The following KDM4C variants were observed in gnomAD, a reference collection of about 807,000 sequenced individuals.
KDM4C encodes lysine demethylase 4C, also known as lysine-specific demethylase 4C.
A neutral mutation model predicts 129.3 loss-of-function variants in KDM4C; 81 were observed. The ratio of observed to expected loss-of-function variants is 0.63; its 90% confidence interval spans 0.52 to 0.75. The LOEUF is 0.75. Ranked by LOEUF, KDM4C falls within the 30% of genes least tolerant of loss-of-function variation. The pLI is 0.00. For missense variants in KDM4C, 1,457 were observed against 1,304.0 expected (o/e 1.12, Z -1.81); for synonymous variants, 573 against 456.1 (o/e 1.26, Z -3.26).
Position 7,142,732 on chromosome 9 carries a change from TC to T in KDM4C, c.2781+14499del, listed in dbSNP as rs200834838. ...ATAACATACCCATGGCTGGCTAAAG[TC>T]CCAAGAAATACAGAAGGATTTAAGA... On this transcript the variant is annotated intron_variant, in intron 19 of 21. Coordinates refer to ENST00000381309, the MANE Select transcript of KDM4C (RefSeq NM_015061.6). Among the ~76,000 whole-genome samples the T allele has an allele frequency of 7.7e-3, 1,168 of 152,248 alleles. 19 individuals carry two copies. The highest frequency in any genetic ancestry group is 0.027 in the African/African-American group (1,106 of 41,524).
chr9:6,785,704 G>A (rs950140800), intron 1 of KDM4C, among the ~76,000 whole-genome samples: 1 of 152,230 alleles, frequency 6.6e-6, no homozygotes, highest in Non-Finnish European at 1.5e-5. Flanking sequence ...ATGACCTCAT[G>A]TTAACTTGAT....
intron 1 of KDM4C, among the ~76,000 whole-genome samples, chr9:6,772,653 G>T (rs1399985329): frequency 6.6e-6 from 1 of 150,956 alleles, no homozygotes; most frequent in East Asian, 1.9e-4. Context: ...GAGCCACTGC[G>T]CCTGGCACAG....
chr9:7,175,230 A>T lies in KDM4C; in HGVS notation c.*501A>T, dbSNP rs1470491936. The T allele has an allele frequency of 6.5e-6, 1 of 154,018 alleles. No homozygotes were observed. The highest frequency in any genetic ancestry group is 2.4e-5 in the African/African-American group (1 of 41,480). 9.5% of individuals were successfully genotyped at this position (154,018 alleles called of 1,614,324 possible). A position where few individuals can be genotyped will look rare whatever the true frequency, so the allele number is the denominator to read the frequency against. On this transcript the variant is annotated 3_prime_UTR_variant, in exon 22 of 22. Transcript: ENST00000381309. Reference sequence around the variant, plus strand: ...TTTTTATAAAACATTTTTAAAACACAAATGGCATGTATGCTAATGAGATTT... The same window carrying T: ...TTTTTATAAAACATTTTTAAAACACTAATGGCATGTATGCTAATGAGATTT...
intron 8 of KDM4C, among the ~76,000 whole-genome samples, chr9:6,900,696 A>G (rs1026413929): frequency 1.3e-5 from 2 of 152,206 alleles, no homozygotes; most frequent in Admixed American, 6.5e-5. Flanking sequence ...CGATAAACCT[A>G]CATGTGAATT....
At chr9:7,011,563 A>G in intron 12 of KDM4C, 135 bp from the exon 13 acceptor site, 2 of 743,482 alleles carry the variant, frequency 2.7e-6, no homozygotes, top group Non-Finnish European at 4.5e-6. Flanking sequence ...CTCAGGATGT[A>G]TTTGAAAGAC....
At chr9:7,064,968 A>G (rs1323057931) in intron 17 of KDM4C, among the ~76,000 whole-genome samples, 2 of 152,228 alleles carry the variant, frequency 1.3e-5, no homozygotes, top group African/African-American at 4.8e-5. Flanking sequence ...TCTCTCTTAG[A>G]ATAAAGAGAC....
At chr9:6,866,145 A>T (rs1038949356) in intron 5 of KDM4C, among the ~76,000 whole-genome samples, 2 of 149,736 alleles carry the variant, frequency 1.3e-5, no homozygotes, top group African/African-American at 4.9e-5. Flanking sequence ...TTGGCCTCCC[A>T]ACGTGCTGGG....
chr9:7,108,569 C>G (rs1006527828), intron 18 of KDM4C, among the ~76,000 whole-genome samples: 3 of 152,142 alleles, frequency 2.0e-5, no homozygotes, highest in Non-Finnish European at 4.4e-5. Flanking sequence ...GGTCTTTAGG[C>G]CAGCTCCCAG....
chr9:6,936,235 T>G (rs991711484), intron 8 of KDM4C, among the ~76,000 whole-genome samples: 9 of 152,186 alleles, frequency 5.9e-5, no homozygotes, highest in African/African-American at 2.2e-4. Flanking sequence ...GTTTTTAAAC[T>G]TCACTGCTTA....
chr9:6,821,191 G>A (rs550255619), intron 4 of KDM4C, among the ~76,000 whole-genome samples: 1 of 152,294 alleles, frequency 6.6e-6, no homozygotes, highest in East Asian at 1.9e-4. Context: ...ATGTGTGCAT[G>A]TGTCTTTATA....
At position 6,752,059 on chromosome 9, in the gene KDM4C, C is replaced by A. The variant is rs540102603; in HGVS notation, c.49+31062C>A. Among the ~76,000 whole-genome samples the A allele has an allele frequency of 2.4e-3, 367 of 150,692 alleles. 3 individuals carry two copies. The highest frequency in any genetic ancestry group is 8.8e-3 in the African/African-American group (355 of 40,222). ...TTAAAAATTAAGGAGGATGGCCGGG[C>A]GCGGTGGCTCACGCCTGTAATCCCA... On this transcript the variant is annotated intron_variant, in intron 1 of 17. Transcript: ENST00000536108.
intron 8 of KDM4C, among the ~76,000 whole-genome samples, chr9:6,976,703 T>A (rs1832983518): frequency 6.6e-6 from 1 of 152,244 alleles, no homozygotes; most frequent in Admixed American, 6.5e-5. Flanking sequence ...ATAACATTTT[T>A]GGGAAAGGAG....
At chr9:6,880,261 C>G (rs1310075456) in intron 6 of KDM4C, among the ~76,000 whole-genome samples, 200 bp downstream of exon 6, 2 of 151,770 alleles carry the variant, frequency 1.3e-5, no homozygotes, top group South Asian at 2.1e-4. Context: ...TATTTTTTCC[C>G]TATTGCATAA....
In KDM4C at chr9:7,098,922, C is replaced by T. The variant is rs1470189891; in HGVS notation, c.2425-4763C>T. On this transcript the variant is annotated intron_variant, in intron 17 of 21. Coordinates refer to ENST00000381309, the MANE Select transcript of KDM4C (RefSeq NM_015061.6). ...GGTTAAAAATCAAAGGATTCTATTA[C>T]GAACCCTGTATTTAAGGACTTGGAG... 5.9e-5 allele frequency among the ~76,000 whole-genome samples: 9 copies of T among 152,122 alleles called. No individual in the cohort carries two copies. In the East Asian group the frequency reaches 1.3e-3, roughly 23 times the overall value.
intron 17 of KDM4C, among the ~76,000 whole-genome samples, chr9:7,063,996 TTACAGC>T (rs755706144): frequency 7.9e-5 from 12 of 152,336 alleles, no homozygotes; most frequent in Non-Finnish European, 1.6e-4. Flanking sequence ...TGCTGGCTGC[TTACAGC>T]TACCCTGCGC....
chr9:6,839,152 A>G (rs754640188), intron 4 of KDM4C, among the ~76,000 whole-genome samples: 2 of 152,178 alleles, frequency 1.3e-5, no homozygotes, highest in African/African-American at 4.8e-5. Context: ...TTCTTTAAAG[A>G]CAAAGTCTTC....
intron 4 of KDM4C, among the ~76,000 whole-genome samples, chr9:6,847,713 T>TGACCA (rs1838108403): frequency 6.6e-6 from 1 of 152,192 alleles, no homozygotes; most frequent in Non-Finnish European, 1.5e-5. Context: ...ACGGATACTT[T>TGACCA]GACCAGTTTC....
At chr9:6,895,191 C>T (rs530387431) in intron 8 of KDM4C, among the ~76,000 whole-genome samples, 21 of 152,200 alleles carry the variant, frequency 1.4e-4, no homozygotes. Context: ...GTGTTTAGAA[C>T]AATAGCCATT....
intron 17 of KDM4C, among the ~76,000 whole-genome samples, chr9:7,083,475 G>A (rs1208593404): frequency 6.6e-6 from 1 of 152,132 alleles, no homozygotes; most frequent in Non-Finnish European, 1.5e-5. Flanking sequence ...AAACCTTGAT[G>A]GCATAGACTA....
Sources: allele counts gnomAD v4.1 joint callset (sites outside exome capture counted in the v4.1 genomes callset), GRCh38; gene constraint gnomAD v4.1.1; transcripts MANE v1.5; gene names NCBI Gene and HGNC (gene_info 2026-07-23, HGNC 2026-07-21).